Variants in PLCZ1 observed in about 807,000 individuals in gnomAD.
The protein encoded by PLCZ1 is 1-phosphatidylinositol 4,5-bisphosphate phosphodiesterase zeta-1.
PLCZ1 carries 64 observed loss-of-function variants against 76.8 expected under a neutral mutation model. The ratio of observed to expected loss-of-function variants is 0.83; its 90% CI spans 0.68 to 1.03. PLCZ1 has a LOEUF of 1.03. PLCZ1 is among the 50% of genes least tolerant of loss of function. The probability of loss-of-function intolerance (pLI) is 0.00; values close to 1 mark genes in which losing one functional copy is unlikely to be tolerated. For missense variants in PLCZ1, 751 were observed against 713.7 expected (o/e 1.05, Z -0.60); for synonymous variants, 248 against 230.8 (o/e 1.07, Z -0.68).
chr12:18,690,914 T>C (rs1019482354), intron 12 of PLCZ1, among the ~76,000 whole-genome samples: 8 of 152,044 alleles, frequency 5.3e-5, no homozygotes, highest in African/African-American at 1.9e-4. Flanking sequence ...CTGACTAAGA[T>C]AGTAGTCAAG....
chr12:18,647,993 G>C, the PLCZ1 span: 3 of 1,595,990 alleles, frequency 1.9e-6, no homozygotes, highest in Non-Finnish European at 2.6e-6. Flanking sequence ...ACTCGATAAA[G>C]AAAAATGGTA....
At chr12:18,666,201 T>C in the PLCZ1 span, among the ~76,000 whole-genome samples, 1 of 151,964 alleles carries the variant, frequency 6.6e-6, no homozygotes, top group Middle Eastern at 3.4e-3. Flanking sequence ...AGATATTGCC[T>C]ATAGAAAACA....
chr12:18,696,079 T>A, intron 11 of PLCZ1, 71 bp downstream of exon 11: 1 of 876,736 alleles, frequency 1.1e-6, no homozygotes, highest in Non-Finnish European at 1.8e-6. Flanking sequence ...TTCACGAGTT[T>A]TTCATACATT....
chr12:18,701,199 G>A (rs1592117014), intron 9 of PLCZ1, among the ~76,000 whole-genome samples: 1 of 152,004 alleles, frequency 6.6e-6, no homozygotes. Context: ...TGACCAGGCT[G>A]ATCTCAAACT....
At chr12:18,698,800 G>C (rs1181558637) in intron 10 of PLCZ1, among the ~76,000 whole-genome samples, 1 of 152,076 alleles carries the variant, frequency 6.6e-6, no homozygotes, top group African/African-American at 2.4e-5. Flanking sequence ...TACTCTTTTA[G>C]TTATTTTTAA....
chr12:18,692,251 T>C (rs1449474359), intron 12 of PLCZ1, among the ~76,000 whole-genome samples: 1 of 151,838 alleles, frequency 6.6e-6, no homozygotes, highest in Non-Finnish European at 1.5e-5. Flanking sequence ...GTTCTAGGAG[T>C]AACTAGTTAA....
chr12:18,730,528 T>C (rs1225441378), intron 3 of PLCZ1, among the ~76,000 whole-genome samples: 1 of 152,140 alleles, frequency 6.6e-6, no homozygotes, highest in Non-Finnish European at 1.5e-5. Context: ...TTTTGAAGTA[T>C]TCTTAGCAAA....
At chr12:18,684,630 G>A (rs1185792020) in intron 13 of PLCZ1, among the ~76,000 whole-genome samples, 1 of 152,060 alleles carries the variant, frequency 6.6e-6, no homozygotes, top group Admixed American at 6.6e-5. Flanking sequence ...CGGGGAGTCT[G>A]ACTTCAGAGC....
chr12:18,653,962 C>T, the PLCZ1 span, among the ~76,000 whole-genome samples: 1 of 152,042 alleles, frequency 6.6e-6, no homozygotes, highest in African/African-American at 2.4e-5. Context: ...TTCCGATTTA[C>T]CCCAAGAATC....
intron 10 of PLCZ1, 42 bp from the exon 11 acceptor site, chr12:18,696,308 A>G: frequency 1.4e-6 from 1 of 722,818 alleles, no homozygotes; most frequent in Non-Finnish European, 2.2e-6. Context: ...AATTCAAATA[A>G]ATTTAAAAAG....
intron 14 of PLCZ1, among the ~76,000 whole-genome samples, chr12:18,683,849 C>T (rs181213411): frequency 6.6e-6 from 1 of 152,054 alleles, no homozygotes; most frequent in African/African-American, 2.4e-5. Context: ...GTAGTCATGA[C>T]TACTCTTTAC....
chr12:18,651,435 T>G, the PLCZ1 span, among the ~76,000 whole-genome samples: 1 of 152,206 alleles, frequency 6.6e-6, no homozygotes, highest in Non-Finnish European at 1.5e-5. Context: ...TATAATTTAC[T>G]TATGTATTTT....
chr12:18,654,579 G>A, the PLCZ1 span, among the ~76,000 whole-genome samples: 5 of 152,138 alleles, frequency 3.3e-5, no homozygotes, highest in Non-Finnish European at 5.9e-5. Flanking sequence ...TTATTGCCAC[G>A]GGTGTTCCCT....
At chr12:18,705,603 CA>C (rs1263647307) in intron 6 of PLCZ1, among the ~76,000 whole-genome samples, 2 of 152,048 alleles carry the variant, frequency 1.3e-5, no homozygotes, top group Non-Finnish European at 2.9e-5. Flanking sequence ...CAGTGGCTCA[CA>C]ACTGTAATCC....
chr12:18,660,436 G>A, the PLCZ1 span, among the ~76,000 whole-genome samples: 2 of 152,104 alleles, frequency 1.3e-5, no homozygotes, highest in Non-Finnish European at 2.9e-5. Context: ...ATCCAGGGGG[G>A]TTTAAAGGGC....
chr12:18,701,911 T>C (rs887303133), intron 7 of PLCZ1, 135 bp from the exon 8 acceptor site: 8 of 1,285,966 alleles, frequency 6.2e-6, no homozygotes, highest in Non-Finnish European at 8.4e-6. Context: ...TTTTTTCCCA[T>C]ACCCCTATTC....
the PLCZ1 span, among the ~76,000 whole-genome samples, chr12:18,649,336 C>A: frequency 6.6e-6 from 1 of 152,098 alleles, no homozygotes; most frequent in South Asian, 2.1e-4. Flanking sequence ...ACTACCCATG[C>A]TCCTATCCCA....
intron 4 of PLCZ1, among the ~76,000 whole-genome samples, chr12:18,720,724 G>A (rs1454085926): frequency 3.9e-5 from 6 of 151,910 alleles, no homozygotes; most frequent in Admixed American, 3.3e-4. Context: ...TTTATTTCCA[G>A]GAATTTATCC....
chr12:18,736,889 T>A (rs1426967245), intron 2 of PLCZ1: 6 of 413,416 alleles, frequency 1.5e-5, no homozygotes, highest in Non-Finnish European at 2.4e-5. Flanking sequence ...ACACACACAC[T>A]CAAGACAGTA....
Sources: allele counts gnomAD v4.1 joint callset (sites outside exome capture counted in the v4.1 genomes callset), GRCh38; gene constraint gnomAD v4.1.1; transcripts MANE v1.5; gene names NCBI Gene and HGNC (gene_info 2026-07-23, HGNC 2026-07-21).